Variants in RIN3 observed in about 807,000 individuals in gnomAD.
The protein encoded by RIN3 is RAB5 interacting protein 3.
In RIN3, 54 loss-of-function variants were observed where a neutral mutation model predicts 76.3. The ratio of observed to expected loss-of-function variants is 0.71; its 90% CI spans 0.57 to 0.89. RIN3 has a LOEUF of 0.89. Among genes scored for constraint, RIN3 ranks in the 40% least tolerant of loss-of-function variants. The pLI, the probability that RIN3 is intolerant of heterozygous loss-of-function variation, is 0.00. For synonymous variants in RIN3, 576 were observed against 564.0 expected, an observed-to-expected ratio of 1.02 and a Z score of -0.30; for missense variants, 1,256 against 1,322.1, an observed-to-expected ratio of 0.95 and a Z score of 0.78.
At chr14:92,547,705 T>C (rs1245158808) in intron 1 of RIN3, among the ~76,000 whole-genome samples, 2 of 147,786 alleles carry the variant, frequency 1.4e-5, no homozygotes, top group African/African-American at 2.5e-5. Context: ...CTATTTAAGA[T>C]GATTGTTTTC....
intron 1 of RIN3, among the ~76,000 whole-genome samples, chr14:92,531,650 G>T (rs1361561990): frequency 2.0e-5 from 3 of 152,220 alleles, no homozygotes; most frequent in Non-Finnish European, 4.4e-5. Flanking sequence ...TAGGTGGGTT[G>T]CAGGGTGACT....
intron 5 of RIN3, 61 bp downstream of exon 5, chr14:92,641,390 C>A: frequency 7.6e-7 from 1 of 1,310,106 alleles, no homozygotes; most frequent in Non-Finnish European, 1.1e-6. Context: ...GGCCCTAGGA[C>A]TGCCCCAGGG....
intron 1 of RIN3, among the ~76,000 whole-genome samples, chr14:92,532,171 C>T (rs1405845923): frequency 6.6e-6 from 1 of 152,112 alleles, no homozygotes; most frequent in Non-Finnish European, 1.5e-5. Context: ...TCAAGTGGTC[C>T]ACCTGCTTTG....
chr14:92,648,675 A>C lies in RIN3; in HGVS notation c.533-2907A>C, dbSNP rs1887288885. ...ACTGTCTCAGGTGCTGGGAATACTCAGACAGCTGAAAGATTTGACTGCCTT... is the reference window on the plus strand; with the variant it reads ...ACTGTCTCAGGTGCTGGGAATACTCCGACAGCTGAAAGATTTGACTGCCTT... On this transcript the variant is annotated intron_variant, in intron 5 of 9. Transcript: ENST00000216487. This position sits in a 1 kb window ranked among gnomAD's most constrained non-coding sequence, Gnocchi z 4.1. Among the ~76,000 whole-genome samples the C allele has an allele frequency of 6.6e-6, 1 of 152,224 alleles. No individual in the cohort carries two copies. Among genetic ancestry groups the C allele is most frequent in the African/African-American group, 2.4e-5 (1 of 41,454 alleles).
chr14:92,561,155 A>ATTTATATT (rs1566843468), intron 2 of RIN3, among the ~76,000 whole-genome samples: 1 of 137,424 alleles, frequency 7.3e-6, no homozygotes, highest in Non-Finnish European at 1.5e-5. Flanking sequence ...TTTTATATAT[A>ATTTATATT]TATTTATATA....
chr14:92,590,716 A>G (rs1347553880), intron 3 of RIN3, among the ~76,000 whole-genome samples: 3 of 152,084 alleles, frequency 2.0e-5, no homozygotes, highest in Admixed American at 2.0e-4. Flanking sequence ...GAAATACCCA[A>G]CTCCAGCCCA....
chr14:92,674,498 G>C (rs1888392218), intron 7 of RIN3, among the ~76,000 whole-genome samples: 3 of 152,142 alleles, frequency 2.0e-5, no homozygotes, highest in African/African-American at 7.2e-5. Context: ...AGCTACTCAG[G>C]AGGCTGAGGT....
At chr14:92,630,541 C>A (rs953596975) in intron 4 of RIN3, among the ~76,000 whole-genome samples, 1 of 152,232 alleles carries the variant, frequency 6.6e-6, no homozygotes, top group Non-Finnish European at 1.5e-5. Flanking sequence ...CCTTGTTCTA[C>A]TTCCATGAAT....
chr14:92,539,378 T>C (rs1897081714), intron 1 of RIN3, among the ~76,000 whole-genome samples: 1 of 152,214 alleles, frequency 6.6e-6, no homozygotes, highest in Admixed American at 6.5e-5. Flanking sequence ...GAACTCTTCA[T>C]AGCAAACTCA....
In RIN3 at chr14:92,625,270, ATTAAC is replaced by A. The variant is rs142255280; in HGVS notation, c.440+9795_440+9799del. Among the ~76,000 whole-genome samples, 532 of 152,242 alleles carry A rather than the reference ATTAAC, an allele frequency of 3.5e-3. 2 individuals are homozygous for A. Among genetic ancestry groups the A allele is most frequent in the African/African-American group, 0.012 (504 of 41,544 alleles). ...AGTCCAGGGTAATGGACTTTCTGAA[ATTAAC>A]TTAGATGATTTTTTAAAGTCTGATT... On this transcript the variant is annotated intron_variant, in intron 4 of 9. Coordinates refer to ENST00000216487, the MANE Select transcript of RIN3 (RefSeq NM_024832.5).
At chr14:92,527,298 C>T (rs572019892) in intron 1 of RIN3, among the ~76,000 whole-genome samples, 42 of 152,148 alleles carry the variant, frequency 2.8e-4, no homozygotes, top group Non-Finnish European at 5.0e-4. Context: ...ATGATCCACC[C>T]GTCTCAGCCT....
chr14:92,576,140 G>A, intron 2 of RIN3: 2 of 1,060,746 alleles, frequency 1.9e-6, no homozygotes, highest in South Asian at 3.1e-5. Flanking sequence ...CCCCCTTCCT[G>A]GGGAAGCTGT....
rs1261536692 is a variant in RIN3, at chr14:92,514,673, G to GGAGTCCCCGGTGGCT, written c.44+698_44+712dup. On this transcript the variant is annotated intron_variant, in intron 1 of 9. Coordinates refer to ENST00000216487, the MANE Select transcript of RIN3 (RefSeq NM_024832.5). The surrounding 1 kb of genome is among the most constrained non-coding windows in gnomAD (Gnocchi z 7.2). ...AATGGTTTGGGAACTGACTTGGAGA[G>GGAGTCCCCGGTGGCT]GAGTCCCCGGTGGCTAAGTCCCCGC... is the stretch of plus-strand genomic sequence containing the variant. 6.6e-6 allele frequency among the ~76,000 whole-genome samples: 1 copy of GGAGTCCCCGGTGGCT among 152,220 alleles called. No homozygotes were observed. The highest frequency in any genetic ancestry group is 1.5e-5 in the Non-Finnish European group (1 of 68,030).
chr14:92,667,480 G>A (rs1328492385), intron 7 of RIN3, among the ~76,000 whole-genome samples: 3 of 151,368 alleles, frequency 2.0e-5, no homozygotes, highest in African/African-American at 7.3e-5. Context: ...TCACACCATT[G>A]CACTCCAGCC....
At chr14:92,556,589 T>C (rs1204824881) in intron 2 of RIN3, among the ~76,000 whole-genome samples, 1 of 116,814 alleles carries the variant, frequency 8.6e-6, no homozygotes, top group East Asian at 2.7e-4. Context: ...GATGGATAGA[T>C]AGATGGATGG....
At chr14:92,517,372 G>C (rs1896470596) in intron 1 of RIN3, among the ~76,000 whole-genome samples, 2 of 152,132 alleles carry the variant, frequency 1.3e-5, no homozygotes. Flanking sequence ...TTACAGAAGA[G>C]GGGCAAAAGT....
rs186634608 is a variant in RIN3 at position 92,672,282 on chromosome 14, A to G, written c.2336-4193A>G. Among the ~76,000 whole-genome samples the G allele has an allele frequency of 6.8e-3, 1,035 of 152,078 alleles. 15 individuals are homozygous for G. The highest frequency in any genetic ancestry group is 0.024 in the African/African-American group (989 of 41,496). On this transcript the variant is annotated intron_variant, in intron 7 of 9. Coordinates refer to ENST00000216487, the MANE Select transcript of RIN3 (RefSeq NM_024832.5). ...CAAAAATTAGCCAGGCGTGGTGGCA[A>G]GCACCTATAATGCCAGCTACTCAGG...
intron 4 of RIN3, among the ~76,000 whole-genome samples, chr14:92,636,886 C>A (rs1161320130): frequency 1.6e-5 from 2 of 125,664 alleles, no homozygotes; most frequent in African/African-American, 6.3e-5. Context: ...CCTGTCTCTT[C>A]AAAAAAATTA....
chr14:92,577,102 C>G (rs902320576), intron 2 of RIN3, among the ~76,000 whole-genome samples: 1 of 152,132 alleles, frequency 6.6e-6, no homozygotes, highest in Non-Finnish European at 1.5e-5. Flanking sequence ...CTCCAATACC[C>G]TTATAGAAAC....
Sources: allele counts gnomAD v4.1 joint callset (sites outside exome capture counted in the v4.1 genomes callset), GRCh38; gene constraint gnomAD v4.1.1; non-coding constraint Gnocchi (gnomAD v3.1); transcripts MANE v1.5; gene names NCBI Gene and HGNC (gene_info 2026-07-23, HGNC 2026-07-21).